The following RANBP2 variants were observed in gnomAD, a reference collection of about 807,000 sequenced individuals.
RANBP2 encodes E3 SUMO-protein ligase RanBP2.
Under a neutral mutation model 303.6 loss-of-function variants are expected in RANBP2, and 57 were observed. That is an observed-to-expected ratio of 0.19 (90% CI 0.15 to 0.23). The LOEUF (loss-of-function observed/expected upper bound fraction) is 0.23, where lower values mean the gene tolerates loss of function less well. Among genes scored for constraint, RANBP2 ranks in the 10% least tolerant of loss-of-function variants. The probability of loss-of-function intolerance (pLI) is 1.00; values close to 1 mark genes in which losing one functional copy is unlikely to be tolerated. For synonymous variants in RANBP2, 1,167 were observed against 1,301.5 expected (o/e 0.90, Z 2.23); for missense variants, 3,138 against 3,780.8 (o/e 0.83, Z 4.46).
the RANBP2 span, chr2:108,873,375 G>T: frequency 8.9e-5 from 115 of 1,294,600 alleles, no homozygotes; most frequent in Non-Finnish European, 1.2e-4. Context: ...GCCTCACATA[G>T]TTCTGATTTT....
the RANBP2 span, among the ~76,000 whole-genome samples, chr2:109,696,739 G>A: frequency 5.3e-5 from 8 of 152,238 alleles, no homozygotes; most frequent in Middle Eastern, 6.8e-3. Flanking sequence ...TAACAGTAGC[G>A]AGTATTGTAA....
chr2:108,872,909 A>G, the RANBP2 span, among the ~76,000 whole-genome samples: 110,823 of 152,070 alleles, frequency 0.73, 43,121 homozygotes, highest in East Asian at 0.95. Context: ...TAGCTTCAAC[A>G]TAAAAGTCCA....
the RANBP2 span, among the ~76,000 whole-genome samples, chr2:109,508,406 C>T: frequency 8.5e-5 from 13 of 152,140 alleles, no homozygotes; most frequent in South Asian, 1.0e-3. Context: ...AAACTGCAGA[C>T]GCACACTCCC....
At chr2:109,352,565 C>T in the RANBP2 span, among the ~76,000 whole-genome samples, 1 of 152,230 alleles carries the variant, frequency 6.6e-6, no homozygotes, top group African/African-American at 2.4e-5. Context: ...AGCTTTACCT[C>T]TTTTTGTATC....
At chr2:108,724,018 A>G (rs1391799359) in intron 1 of RANBP2, among the ~76,000 whole-genome samples, 1 of 152,104 alleles carries the variant, frequency 6.6e-6, no homozygotes, top group Non-Finnish European at 1.5e-5. Context: ...ACTTCCCTTT[A>G]TCATCAGTTT....
the RANBP2 span, among the ~76,000 whole-genome samples, chr2:109,521,459 C>T: frequency 6.6e-6 from 1 of 152,190 alleles, no homozygotes; most frequent in African/African-American, 2.4e-5. Context: ...GGGGCATGGG[C>T]TGCCTTGTAG....
the RANBP2 span, among the ~76,000 whole-genome samples, chr2:108,974,966 ATCAACCCC>A: frequency 6.6e-6 from 1 of 152,160 alleles, no homozygotes; most frequent in Non-Finnish European, 1.5e-5. Flanking sequence ...GGAAGAGCCC[ATCAACCCC>A]TGAGCCTCTC....
At chr2:109,593,199 T>C in the RANBP2 span, 1 of 864,236 alleles carries the variant, frequency 1.2e-6, no homozygotes, top group Non-Finnish European at 1.8e-6. Context: ...TATATTTACA[T>C]GAATAAGGTG....
the RANBP2 span, among the ~76,000 whole-genome samples, chr2:109,050,750 A>G: frequency 6.6e-6 from 1 of 151,930 alleles, no homozygotes; most frequent in Non-Finnish European, 1.5e-5. Context: ...GGCGTCTTAC[A>G]ATACTAGAAA....
the RANBP2 span, among the ~76,000 whole-genome samples, chr2:109,362,945 G>A: frequency 6.6e-6 from 1 of 152,096 alleles, no homozygotes; most frequent in South Asian, 2.1e-4. Context: ...TAATCTGCTT[G>A]TGTGTGTATA....
At chr2:109,325,473 T>C in the RANBP2 span, among the ~76,000 whole-genome samples, 1 of 151,388 alleles carries the variant, frequency 6.6e-6, no homozygotes, top group Admixed American at 6.6e-5. Flanking sequence ...CCTGAGTAGA[T>C]GGGACTACAG....
At chr2:109,705,446 C>T in the RANBP2 span, among the ~76,000 whole-genome samples, 1 of 152,176 alleles carries the variant, frequency 6.6e-6, no homozygotes, top group Non-Finnish European at 1.5e-5. Flanking sequence ...GGAATATATG[C>T]AGCGAGGGTG....
chr2:108,997,776 A>C, the RANBP2 span, among the ~76,000 whole-genome samples: 1 of 152,084 alleles, frequency 6.6e-6, no homozygotes, highest in Admixed American at 6.6e-5. Context: ...CTGTAATCCC[A>C]GCTACTTGGG....
the RANBP2 span, chr2:109,614,328 C>T: frequency 4.6e-6 from 3 of 651,682 alleles, no homozygotes; most frequent in African/African-American, 1.9e-5. Context: ...CGCCCGGGCG[C>T]GGCCCAGTGA....
the RANBP2 span, among the ~76,000 whole-genome samples, chr2:109,611,443 G>A: frequency 6.6e-6 from 1 of 151,706 alleles, no homozygotes; most frequent in African/African-American, 2.4e-5. Flanking sequence ...AGAAAGGACT[G>A]GAATCTAGTA....
the RANBP2 span, among the ~76,000 whole-genome samples, chr2:109,619,961 G>A: frequency 6.6e-5 from 10 of 152,144 alleles, no homozygotes. Flanking sequence ...AAGTCATGTG[G>A]TTCACATAAC....
In RANBP2 at chr2:108,738,628, CT is replaced by C. The variant is rs373620543; in HGVS notation, c.783-1844del. Among the ~76,000 whole-genome samples, 851 of 136,528 alleles carry C rather than the reference CT, an allele frequency of 6.2e-3. 1 individual carries two copies. The highest frequency in any genetic ancestry group is 0.012 in the African/African-American group (455 of 36,944). 89.6% of individuals were successfully genotyped at this position (136,528 alleles called of 152,430 possible). A position where few individuals can be genotyped will look rare whatever the true frequency, so the allele number is the denominator to read the frequency against. Reference sequence around the variant, plus strand: ...CTCTATTGTGTGTTAATAATAATAGCTTTTTTTTTTTTTTTTTGAGACGGAG... The same window carrying C: ...CTCTATTGTGTGTTAATAATAATAGCTTTTTTTTTTTTTTTTGAGACGGAG... On this transcript the variant is annotated intron_variant, in intron 6 of 28. Transcript: ENST00000283195.
the RANBP2 span, among the ~76,000 whole-genome samples, chr2:109,737,695 A>T: frequency 6.6e-6 from 1 of 152,124 alleles, no homozygotes; most frequent in African/African-American, 2.4e-5. Context: ...ATCCACCAAC[A>T]GTGTAAAAGA....
chr2:109,133,863 T>C, the RANBP2 span, among the ~76,000 whole-genome samples: 3 of 152,094 alleles, frequency 2.0e-5, no homozygotes, highest in African/African-American at 7.2e-5. Context: ...AGCACAGGCT[T>C]CCCCAGGCAG....
Sources: gnomAD v4.1 joint callset for allele counts (sites outside exome capture counted in the v4.1 genomes callset) on GRCh38, gnomAD v4.1.1 for gene constraint, MANE v1.5 for transcripts, NCBI Gene and HGNC (gene_info 2026-07-23, HGNC 2026-07-21) for gene names.